HAS2: variants seen among roughly 807,000 people sequenced by gnomAD.
HAS2 encodes the protein HA synthase 2.
HAS2 carries 16 observed loss-of-function variants against 51.6 expected under a neutral mutation model. The observed-to-expected ratio is 0.31, with a 90% CI of 0.21 to 0.47. The LOEUF (loss-of-function observed/expected upper bound fraction) is 0.47. Among genes scored for constraint, HAS2 ranks in the 20% least tolerant of loss-of-function variants. HAS2 has a pLI of 1.00. For synonymous variants in HAS2, 228 were observed against 235.5 expected (o/e 0.97, Z 0.29); for missense variants, 361 against 662.6 (o/e 0.54, Z 5.00).
chr8:121,634,493 C>T (rs372714828), intron 1 of HAS2, among the ~76,000 whole-genome samples: 3 of 151,622 alleles, frequency 2.0e-5, no homozygotes, highest in Non-Finnish European at 4.4e-5. Flanking sequence ...TATGTATGGC[C>T]GGAGAGTACA....
rs1373810777 is a variant in HAS2 at position 121,613,130 on chromosome 8, CTT to C, written c.*977_*978del. On this transcript the variant is annotated 3_prime_UTR_variant, in exon 4 of 4. Transcript: ENST00000303924. ...GCCAGAATCTCCAAAGATTATTCATCTTTGATACCCATGTTTTGTCCAGTGCT... is the reference window on the plus strand; with the variant it reads ...GCCAGAATCTCCAAAGATTATTCATCTGATACCCATGTTTTGTCCAGTGCT... 6.6e-6 allele frequency: 1 copy of C among 152,122 alleles called. No homozygotes were observed. The highest frequency in any genetic ancestry group is 2.4e-5 in the African/African-American group (1 of 41,434). The allele number at this position is 152,122 out of a possible 1,614,324, so 9.4% of individuals were successfully genotyped here.
intron 2 of HAS2, among the ~76,000 whole-genome samples, chr8:121,622,102 T>C (rs1563621229): frequency 6.6e-6 from 1 of 152,146 alleles, no homozygotes; most frequent in Non-Finnish European, 1.5e-5. Flanking sequence ...CTAGAATGTG[T>C]AGCATTTGTT....
Position 121,613,340 on chromosome 8 carries a change from A to G in HAS2, c.*769T>C, listed in dbSNP as rs1040562339. 1 of 152,624 alleles carries G rather than the reference A, an allele frequency of 6.6e-6. No homozygotes were observed. The highest frequency in any genetic ancestry group is 1.5e-5 in the Non-Finnish European group (1 of 68,042). 9.5% of individuals were successfully genotyped at this position (152,624 alleles called of 1,614,324 possible). ...CTTTTCTAAAAGAAATAAAAACAAA[A>G]AGTTAAAATATTGAAAGTTTAAATA... On this transcript the variant is annotated 3_prime_UTR_variant, in exon 4 of 4. Transcript: ENST00000303924.
At position 121,641,158 on chromosome 8, in the gene HAS2, C is replaced by CTTTTTTTTTTTTTTTTTTT. The variant is rs71573616; in HGVS notation, c.-325_-307dup. On this transcript the variant is annotated 5_prime_UTR_variant, in exon 1 of 4. Coordinates refer to ENST00000303924, the MANE Select transcript of HAS2 (RefSeq NM_005328.3). ...TAACTTTTCTTTTTTCTTTTCTTTT[C>CTTTTTTTTTTTTTTTTTTT]TTTTTTTTTTTTTTTTTTTTTTGGG... 136 of 57,028 alleles carry CTTTTTTTTTTTTTTTTTTT rather than the reference C, an allele frequency of 2.4e-3. 1 individual carries two copies. The highest frequency in any genetic ancestry group is 3.1e-3 in the Non-Finnish European group (95 of 30,864). 3.5% of individuals were successfully genotyped at this position (57,028 alleles called of 1,614,324 possible). A position where few individuals can be genotyped will look rare whatever the true frequency, so the allele number is the denominator to read the frequency against.
chr8:121,630,585 T>C (rs769310934), intron 1 of HAS2, among the ~76,000 whole-genome samples: 12 of 152,232 alleles, frequency 7.9e-5, no homozygotes, highest in Non-Finnish European at 1.6e-4. Context: ...TCTTCATCTT[T>C]AGTCATTCGC....
At chr8:121,624,939 CA>C (rs951270602) in intron 2 of HAS2, among the ~76,000 whole-genome samples, 5 of 150,448 alleles carry the variant, frequency 3.3e-5, no homozygotes, top group Admixed American at 6.6e-5. Flanking sequence ...ACTAAAAATA[CA>C]AAAAAAAATT....
chr8:121,621,484 G>C (rs1812773072), intron 2 of HAS2, among the ~76,000 whole-genome samples: 1 of 152,108 alleles, frequency 6.6e-6, no homozygotes, highest in Non-Finnish European at 1.5e-5. Flanking sequence ...CTGTAGAGAA[G>C]TATTTCCATT....
intron 2 of HAS2, among the ~76,000 whole-genome samples, chr8:121,617,799 G>C (rs1378444384): frequency 6.6e-6 from 1 of 152,048 alleles, no homozygotes; most frequent in Non-Finnish European, 1.5e-5. Context: ...TAGTTCTAAA[G>C]ATTGTATAGT....
intron 1 of HAS2, among the ~76,000 whole-genome samples, chr8:121,633,397 G>A (rs1159771639): frequency 2.6e-5 from 4 of 152,080 alleles, no homozygotes; most frequent in Non-Finnish European, 4.4e-5. Context: ...GCCTGCCTTG[G>A]CCTTCCAAAG....
In HAS2 at chr8:121,614,516, G is replaced by C. The variant is rs765574396; in HGVS notation, c.1252C>G (p.Leu418Val). Residue 418 changes from leucine (L) to valine (V), a missense_variant, in exon 4 of 4, where the codon CTC (leucine) becomes GTC (valine). By Grantham distance (32) the Leu-to-Val change is conservative. Transcript: ENST00000303924. The surrounding 1 kb of genome is among the most constrained non-coding windows in gnomAD (Gnocchi z 7.2). ...LFLLTVQLVG[L>V]IKSSFASCLR... ...CAGCTGGCAAAAGATGATTTTATGA[G>C]ACCTACTAGCTGGACAGTTAACAAG... The C allele has an allele frequency of 2.5e-6, 4 of 1,614,040 alleles. No homozygotes were observed. The highest frequency in any genetic ancestry group is 3.4e-6 in the Non-Finnish European group (4 of 1,179,940).
intron 2 of HAS2, among the ~76,000 whole-genome samples, chr8:121,620,147 A>C (rs1359907192): frequency 1.3e-5 from 2 of 152,336 alleles, no homozygotes; most frequent in East Asian, 3.9e-4. Context: ...TAACAGCTTT[A>C]AAATTTTTCA....
At chr8:121,629,470 CATT>C (rs1451394774) in intron 1 of HAS2, 130 bp from the exon 2 acceptor site, 3 of 724,096 alleles carry the variant, frequency 4.1e-6, no homozygotes, top group Non-Finnish European at 6.8e-6. Flanking sequence ...TCGCCCAACT[CATT>C]GTGTGACTTT....
intron 2 of HAS2, among the ~76,000 whole-genome samples, chr8:121,624,927 C>G (rs1355659199): frequency 6.6e-6 from 1 of 151,900 alleles, no homozygotes; most frequent in Non-Finnish European, 1.5e-5. Flanking sequence ...AACCCCATCT[C>G]TACTAAAAAT....
intron 2 of HAS2, among the ~76,000 whole-genome samples, chr8:121,622,390 G>A (rs574556592): frequency 3.8e-4 from 58 of 152,002 alleles, no homozygotes; most frequent in South Asian, 8.3e-4. Context: ...ATGTAAACTC[G>A]GACTCGTTTC....
At chr8:121,626,506 T>G (rs1464892321) in intron 2 of HAS2, among the ~76,000 whole-genome samples, 1 of 152,192 alleles carries the variant, frequency 6.6e-6, no homozygotes, top group Admixed American at 6.5e-5. Context: ...CTCTTGTGTA[T>G]TACCACCTGA....
At chr8:121,633,271 G>A (rs897378388) in intron 1 of HAS2, among the ~76,000 whole-genome samples, 11 of 150,798 alleles carry the variant, frequency 7.3e-5, no homozygotes, top group South Asian at 2.1e-4. Context: ...TCAGTCTCCC[G>A]AGTAGCTGGG....
chr8:121,632,923 C>A (rs932740342), intron 1 of HAS2, among the ~76,000 whole-genome samples: 7 of 151,918 alleles, frequency 4.6e-5, no homozygotes, highest in Admixed American at 1.3e-4. Context: ...AATAAAGAAA[C>A]CAAGACTCTG....
At chr8:121,622,055 G>C (rs75176640) in intron 2 of HAS2, among the ~76,000 whole-genome samples, 1 of 125,912 alleles carries the variant, frequency 7.9e-6, no homozygotes, top group Admixed American at 8.2e-5. Flanking sequence ...TCTTAACCTT[G>C]ACTCTTCATC....
chr8:121,628,682 A>G (rs1288134384), intron 2 of HAS2, 32 bp downstream of exon 2: 1 of 1,596,476 alleles, frequency 6.3e-7, no homozygotes, highest in Non-Finnish European at 8.5e-7. Flanking sequence ...ATTTAAATGT[A>G]TGTTTGCCCT....
Sources: gnomAD v4.1 joint callset for allele counts (sites outside exome capture counted in the v4.1 genomes callset) on GRCh38, gnomAD v4.1.1 for gene constraint, Gnocchi (gnomAD v3.1) non-coding constraint, MANE v1.5 for transcripts, NCBI Gene and HGNC (gene_info 2026-07-23, HGNC 2026-07-21) for gene names.